CCR9: variants seen among roughly 807,000 people sequenced by gnomAD.
CCR9 encodes the protein C-C motif chemokine receptor 9.
In CCR9, 4 loss-of-function variants were observed where a neutral mutation model predicts 8.7. The observed-to-expected ratio is 0.46, with a 90% CI of 0.23 to 1.06. The LOEUF (loss-of-function observed/expected upper bound fraction) is 1.06, where lower values mean the gene tolerates loss of function less well. CCR9 is among the 50% of genes least tolerant of loss of function. The probability of loss-of-function intolerance (pLI) is 0.21; values close to 1 mark genes in which losing one functional copy is unlikely to be tolerated. For synonymous variants in CCR9, 159 were observed against 168.8 expected (o/e 0.94, Z 0.45); for missense variants, 394 against 453.6 (o/e 0.87, Z 1.19).
Position 45,900,960 on chromosome 3 carries a change from G to A in CCR9, c.172G>A (p.Val58Met), listed in dbSNP as rs772583604. The A allele has an allele frequency of 1.1e-5, 18 of 1,610,736 alleles. No individual in the cohort carries two copies. Among genetic ancestry groups the A allele is most frequent in the South Asian group, 5.5e-5 (5 of 90,994 alleles). Residue 58 changes from valine to methionine, a missense_variant, in exon 3 of 3, where the codon GTG (valine) becomes ATG (methionine). Coordinates refer to ENST00000357632, the MANE Select transcript of CCR9 (RefSeq NM_031200.3). This position sits in a 1 kb window ranked among gnomAD's most constrained non-coding sequence, Gnocchi z 4.7. Reference sequence around the variant, plus strand: ...TTTCCTCCCACCCTTGTACTGGCTCGTGTTCATCGTGGGTGCCTTGGGCAA... The same window carrying A: ...TTTCCTCCCACCCTTGTACTGGCTCATGTTCATCGTGGGTGCCTTGGGCAA... ...SHFLPPLYWL[V>M]FIVGALGNSL...
At position 45,901,442 on chromosome 3, in the gene CCR9, G is replaced by A. The variant is rs374133687; in HGVS notation, c.654G>A (p.Lys218=). 2 of 1,614,006 alleles carry A rather than the reference G, an allele frequency of 1.2e-6. No individual in the cohort carries two copies. Among genetic ancestry groups the A allele is most frequent in the African/African-American group, 1.3e-5 (1 of 74,894 alleles). ...TKLKSAVLTL[K]VILGFFLPFV... The stretch of plus-strand genomic sequence containing the variant: ...TGAAGTCAGCTGTCTTGACCCTGAA[G>A]GTCATTCTGGGGTTCTTCCTTCCCT... Residue 218 remains lysine, a synonymous_variant, in exon 3 of 3, where the codon AAG becomes AAA. Coordinates refer to ENST00000357632, the MANE Select transcript of CCR9 (RefSeq NM_031200.3). This position sits in a 1 kb window ranked among gnomAD's most constrained non-coding sequence, Gnocchi z 4.3.
At chr3:45,894,667 A>G (rs925030274) in intron 1 of CCR9, among the ~76,000 whole-genome samples, 1 of 152,204 alleles carries the variant, frequency 6.6e-6, no homozygotes, top group African/African-American at 2.4e-5. Context: ...TGCTAGAATC[A>G]GGTGACCCTC....
chr3:45,901,346 C>T lies in CCR9; in HGVS notation c.558C>T (p.Tyr186=), dbSNP rs1021507742. The change falls in exon 3 of 3, where the codon TAC becomes TAT. Residue 186 remains tyrosine (Y), a synonymous_variant. Coordinates refer to ENST00000357632, the MANE Select transcript of CCR9 (RefSeq NM_031200.3). This position sits in a 1 kb window ranked among gnomAD's most constrained non-coding sequence, Gnocchi z 4.3. ...CTCTCTGCATCCCAGAAATCTTATA[C>T]AGCCAAATCAAGGAGGAATCCGGCA... The part of the protein sequence containing the change: ...AAALCIPEIL[Y]SQIKEESGIA... 3 of 1,614,022 alleles carry T rather than the reference C, an allele frequency of 1.9e-6. No individual in the cohort carries two copies. Among genetic ancestry groups the T allele is most frequent in the African/African-American group, 2.7e-5 (2 of 74,906 alleles).
Position 45,899,561 on chromosome 3 carries a change from A to G in CCR9, c.22-1249A>G, listed in dbSNP as rs55892259. Among the ~76,000 whole-genome samples the G allele has an allele frequency of 3.2e-3, 490 of 152,356 alleles. 3 individuals carry two copies. The highest frequency in any genetic ancestry group is 0.011 in the African/African-American group (450 of 41,582). ...TGAATTGAACTATTGCATTTGCCTC[A>G]GGATAAATAAAAGTAGAGATGAGAT... On this transcript the variant is annotated intron_variant, in intron 2 of 2. Transcript: ENST00000357632.
At chr3:45,897,537 A>G in intron 2 of CCR9, 2 of 1,501,246 alleles carry the variant, frequency 1.3e-6, no homozygotes, top group Middle Eastern at 1.7e-4. Flanking sequence ...TTTCTGCACA[A>G]TTTCTCCCAT....
intron 1 of CCR9, among the ~76,000 whole-genome samples, chr3:45,889,305 A>T (rs75171531): frequency 0.012 from 1,503 of 121,408 alleles, 27 homozygotes; most frequent in African/African-American, 0.038. Flanking sequence ...TATTACCTTT[A>T]AAAAAAAAAA....
chr3:45,898,407 T>C (rs1053817972), intron 2 of CCR9, among the ~76,000 whole-genome samples: 3 of 152,204 alleles, frequency 2.0e-5, no homozygotes, highest in African/African-American at 7.2e-5. Context: ...AGAAGAAACA[T>C]CTCTAAGTGT....
chr3:45,890,675 T>C (rs1702150272), intron 1 of CCR9, among the ~76,000 whole-genome samples: 1 of 151,792 alleles, frequency 6.6e-6, no homozygotes, highest in South Asian at 2.1e-4. Context: ...CTGGGGAAAG[T>C]TCTTGGTTCT....
intron 2 of CCR9, among the ~76,000 whole-genome samples, chr3:45,898,310 G>A (rs17714101): frequency 0.086 from 13,099 of 152,264 alleles, 975 homozygotes; most frequent in South Asian, 0.36. Context: ...AGCGTTGGGA[G>A]GATTCTCCTG....
Position 45,900,854 on chromosome 3 carries a change from A to T in CCR9, c.66A>T (p.Thr22=), listed in dbSNP as rs1305371891. 1.2e-6 allele frequency: 2 copies of T among 1,613,820 alleles called. No homozygotes were observed. Among genetic ancestry groups the T allele is most frequent in the South Asian group, 2.2e-5 (2 of 91,066 alleles). The change falls in exon 3 of 3, where the codon ACA becomes ACT. Residue 22 remains threonine (T), a synonymous_variant. Coordinates refer to ENST00000357632, the MANE Select transcript of CCR9 (RefSeq NM_031200.3). The surrounding 1 kb of genome is among the most constrained non-coding windows in gnomAD (Gnocchi z 4.7). The stretch of plus-strand genomic sequence containing the variant: ...CTGATGACTATGGCTCTGAATCCAC[A>T]TCTTCCATGGAAGACTACGTTAACT... ...NMADDYGSES[T]SSMEDYVNFN... is the part of the protein sequence containing the mutation.
In CCR9 at chr3:45,901,367, C is replaced by T. The variant is rs367903658; in HGVS notation, c.579C>T (p.Ser193=). Residue 193 remains serine (S), a synonymous_variant, in exon 3 of 3, where the codon TCC becomes TCT. Coordinates refer to ENST00000357632, the MANE Select transcript of CCR9 (RefSeq NM_031200.3). The surrounding 1 kb of genome is among the most constrained non-coding windows in gnomAD (Gnocchi z 4.3). ...TATACAGCCAAATCAAGGAGGAATC[C>T]GGCATTGCTATCTGCACCATGGTTT... is the stretch of plus-strand genomic sequence containing the variant. ...EILYSQIKEE[S]GIAICTMVYP... 1.3e-5 allele frequency: 21 copies of T among 1,614,058 alleles called. No homozygotes were observed. The highest frequency in any genetic ancestry group is 4.0e-5 in the African/African-American group (3 of 74,932).
intron 1 of CCR9, among the ~76,000 whole-genome samples, chr3:45,890,742 T>G (rs555486550): frequency 6.6e-6 from 1 of 152,274 alleles, no homozygotes; most frequent in South Asian, 2.1e-4. Context: ...GCATCTTTCA[T>G]TCACCTGAGA....
rs776815642 is a variant in CCR9, at chr3:45,894,897, C to T, written c.-28-9C>T. On this transcript the variant is annotated splice_polypyrimidine_tract_variant and intron_variant, in intron 1 of 2. Coordinates refer to ENST00000357632, the MANE Select transcript of CCR9 (RefSeq NM_031200.3). ...CCAGTCCACTTTTTGATTTTTGTCC[C>T]TTTTCCAGGAGCAGGCTTGCATCTG... The T allele has an allele frequency of 1.2e-6, 2 of 1,612,148 alleles. No individual in the cohort carries two copies. Among genetic ancestry groups the T allele is most frequent in the South Asian group, 2.2e-5 (2 of 91,026 alleles).
chr3:45,895,563 A>G (rs1286122416), intron 2 of CCR9, among the ~76,000 whole-genome samples: 1 of 152,190 alleles, frequency 6.6e-6, no homozygotes, highest in Non-Finnish European at 1.5e-5. Context: ...AAAAATACAA[A>G]AATAGCTAGG....
chr3:45,896,411 A>G (rs1330321594), intron 2 of CCR9, among the ~76,000 whole-genome samples: 1 of 152,220 alleles, frequency 6.6e-6, no homozygotes. Flanking sequence ...TGACTCCCAT[A>G]TTCCATGGAA....
At chr3:45,889,118 T>G (rs1364377846) in intron 1 of CCR9, among the ~76,000 whole-genome samples, 1 of 152,228 alleles carries the variant, frequency 6.6e-6, no homozygotes, top group Admixed American at 6.5e-5. Context: ...GCTGAGTAGC[T>G]GGGACTACAG....
chr3:45,897,549 C>T (rs1575301982), intron 2 of CCR9: 2 of 1,526,292 alleles, frequency 1.3e-6, no homozygotes, highest in East Asian at 2.4e-5. Flanking sequence ...TTCTCCCATT[C>T]TGCTCCTGCA....
In CCR9 at chr3:45,901,109, T is replaced by G. The variant is rs1277336616; in HGVS notation, c.321T>G (p.Ala107=). 1 of 1,614,224 alleles carries G rather than the reference T, an allele frequency of 6.2e-7. No individual in the cohort carries two copies. Among genetic ancestry groups the G allele is most frequent in the South Asian group, 1.1e-5 (1 of 91,088 alleles). The change falls in exon 3 of 3, where the codon GCT becomes GCG. Residue 107 remains alanine (A), a synonymous_variant. Transcript: ENST00000357632. This position sits in a 1 kb window ranked among gnomAD's most constrained non-coding sequence, Gnocchi z 4.3. ...TCACTCTTCCCTTCTGGGCCATTGCTGCTGCTGACCAGTGGAAGTTCCAGA... is the reference window on the plus strand; with the variant it reads ...TCACTCTTCCCTTCTGGGCCATTGCGGCTGCTGACCAGTGGAAGTTCCAGA... The part of the protein sequence containing the change: ...FLVTLPFWAI[A]AADQWKFQTF...
chr3:45,899,765 C>T (rs1173971216), intron 2 of CCR9, among the ~76,000 whole-genome samples: 2 of 152,104 alleles, frequency 1.3e-5, no homozygotes, highest in Non-Finnish European at 2.9e-5. Context: ...CCCTCCTCCT[C>T]CATCAGCAGT....
Sources: gnomAD v4.1 joint callset for allele counts (sites outside exome capture counted in the v4.1 genomes callset) on GRCh38, gnomAD v4.1.1 for gene constraint, Gnocchi (gnomAD v3.1) non-coding constraint, MANE v1.5 for transcripts, NCBI Gene and HGNC (gene_info 2026-07-23, HGNC 2026-07-21) for gene names.